Variants in FAM193A observed in about 807,000 individuals in gnomAD.
FAM193A encodes protein FAM193A.
A neutral mutation model predicts 126.5 loss-of-function variants in FAM193A; 22 were observed. The observed-to-expected ratio is 0.17, with a 90% CI of 0.12 to 0.25. The LOEUF (loss-of-function observed/expected upper bound fraction) is 0.25, where lower values mean the gene tolerates loss of function less well. FAM193A is among the 10% of genes least tolerant of loss of function. FAM193A has a pLI of 1.00. For synonymous variants in FAM193A, 761 were observed against 646.8 expected (o/e 1.18, Z -2.68); for missense variants, 1,675 against 1,672.8 (o/e 1.00, Z -0.02).
chr4:2,567,290 A>G (rs1739027157), intron 1 of FAM193A, among the ~76,000 whole-genome samples: 2 of 152,132 alleles, frequency 1.3e-5, no homozygotes, highest in African/African-American at 2.4e-5. Context: ...TTCAACAGAA[A>G]CCTTGCATAA....
At chr4:2,722,941 G>A (rs1438533195) in intron 20 of FAM193A, among the ~76,000 whole-genome samples, 1 of 152,168 alleles carries the variant, frequency 6.6e-6, no homozygotes, top group Non-Finnish European at 1.5e-5. Flanking sequence ...GCAGGAATGA[G>A]CCACCACACC....
chr4:2,613,753 C>CTT (rs71634683), intron 2 of FAM193A, among the ~76,000 whole-genome samples: 12 of 132,428 alleles, frequency 9.1e-5, no homozygotes, highest in South Asian at 2.3e-4. Context: ...CATACCTGGC[C>CTT]TTTTTTTTTT....
At chr4:2,606,627 G>A (rs1343069838) in intron 2 of FAM193A, among the ~76,000 whole-genome samples, 1 of 152,148 alleles carries the variant, frequency 6.6e-6, no homozygotes, top group African/African-American at 2.4e-5. Context: ...TCCTCTGAAT[G>A]GATATCTTGC....
At chr4:2,587,980 G>T (rs1160248136) in intron 1 of FAM193A, among the ~76,000 whole-genome samples, 4 of 152,224 alleles carry the variant, frequency 2.6e-5, no homozygotes, top group Non-Finnish European at 5.9e-5. Flanking sequence ...AGAGCTAGTT[G>T]GAGGACATTG....
At chr4:2,688,517 G>A (rs918109765) in intron 13 of FAM193A, among the ~76,000 whole-genome samples, 6 of 152,056 alleles carry the variant, frequency 3.9e-5, no homozygotes, top group South Asian at 2.1e-4. Context: ...GGCGTGTGCC[G>A]GCCAAGGGGA....
chr4:2,696,924 A>C (rs1304429713), intron 18 of FAM193A, among the ~76,000 whole-genome samples: 2 of 152,156 alleles, frequency 1.3e-5, no homozygotes, highest in Non-Finnish European at 2.9e-5. Flanking sequence ...TCAACTGTAG[A>C]GATGATAGAA....
rs754504865 is a variant in FAM193A at position 2,663,152 on chromosome 4, A to C, written c.1943A>C (p.Asp648Ala). 6.2e-7 allele frequency: 1 copy of C among 1,614,112 alleles called. No homozygotes were observed. The highest frequency in any genetic ancestry group is 1.3e-5 in the African/African-American group (1 of 74,936). ...ACCAGCAGTAGTTCCTCAGAAGCTG[A>C]TGATGAAGAAGCGGACGGCGAGAGT... ...SSTSSSSSEA[D>A]DEEADGESSG... Residue 648 changes from aspartate (D) to alanine (A), a missense_variant, in exon 12 of 21, where the codon GAT (aspartate) becomes GCT (alanine). Physicochemically the swap from Asp to Ala is moderately radical, Grantham distance 126 (BLOSUM62 -2). This residue lies in a region of FAM193A where 1,186 missense variants were observed against 1,109.2 expected (regional missense o/e 1.07). Coordinates refer to ENST00000637812, the MANE Select transcript of FAM193A (RefSeq NM_001366318.2).
At chr4:2,561,673 GT>G (rs1165606849) in intron 1 of FAM193A, among the ~76,000 whole-genome samples, 1 of 149,514 alleles carries the variant, frequency 6.7e-6, no homozygotes, top group African/African-American at 2.5e-5. Context: ...ATTTTTGTAT[GT>G]TTAGTACAGA....
At chr4:2,692,796 G>A (rs1716548740) in intron 15 of FAM193A, among the ~76,000 whole-genome samples, 1 of 147,938 alleles carries the variant, frequency 6.8e-6, no homozygotes. Flanking sequence ...TATCCTGTCA[G>A]TGTTAAATGC....
chr4:2,547,621 TGTGTATG>T (rs1336559505), intron 1 of FAM193A, among the ~76,000 whole-genome samples: 1 of 151,354 alleles, frequency 6.6e-6, no homozygotes, highest in Non-Finnish European at 1.5e-5. Flanking sequence ...TGTGTGTGTG[TGTGTATG>T]TATTTTTTTT....
At chr4:2,540,212 G>A (rs1737145053) in intron 1 of FAM193A, among the ~76,000 whole-genome samples, 2 of 152,154 alleles carry the variant, frequency 1.3e-5, no homozygotes, top group Admixed American at 1.3e-4. Context: ...GCTCACGCCT[G>A]TAATCCCAGC....
chr4:2,612,047 A>C (rs1374036194), intron 2 of FAM193A, among the ~76,000 whole-genome samples: 1 of 151,282 alleles, frequency 6.6e-6, no homozygotes, highest in Non-Finnish European at 1.5e-5. Context: ...CGTGTTAGCC[A>C]GGATGGTCTC....
At chr4:2,589,623 T>C (rs918249147) in intron 1 of FAM193A, among the ~76,000 whole-genome samples, 6 of 152,244 alleles carry the variant, frequency 3.9e-5, no homozygotes, top group African/African-American at 1.4e-4. Context: ...ATTTTGTGCC[T>C]AACTCATGAT....
At chr4:2,567,064 C>T (rs921220648) in intron 1 of FAM193A, among the ~76,000 whole-genome samples, 17 of 151,748 alleles carry the variant, frequency 1.1e-4, no homozygotes, top group Admixed American at 5.9e-4. Context: ...CTCAGCCTCC[C>T]GAGTAGCCGG....
At chr4:2,714,033 A>G (rs962549849) in intron 19 of FAM193A, among the ~76,000 whole-genome samples, 7 of 152,212 alleles carry the variant, frequency 4.6e-5, no homozygotes, top group Admixed American at 4.6e-4. Flanking sequence ...AAAAGAGAGT[A>G]TTAGAAATCT....
At chr4:2,719,628 C>G (rs1024373726) in intron 20 of FAM193A, among the ~76,000 whole-genome samples, 2 of 151,640 alleles carry the variant, frequency 1.3e-5, no homozygotes, top group Non-Finnish European at 2.9e-5. Flanking sequence ...GCCTGTAATC[C>G]CAGCTACTCG....
intron 2 of FAM193A, among the ~76,000 whole-genome samples, chr4:2,597,614 T>C (rs1157458790): frequency 6.6e-6 from 1 of 152,170 alleles, no homozygotes; most frequent in East Asian, 1.9e-4. Flanking sequence ...GTTTGTCAGA[T>C]GAGCCATTCT....
chr4:2,558,337 C>T (rs1171325449), intron 1 of FAM193A, among the ~76,000 whole-genome samples: 1 of 151,554 alleles, frequency 6.6e-6, no homozygotes, highest in Non-Finnish European at 1.5e-5. Context: ...CCTAAAAATA[C>T]TTGGTAATTA....
At chr4:2,711,063 AG>A (rs1271216773) in intron 19 of FAM193A, among the ~76,000 whole-genome samples, 1 of 150,756 alleles carries the variant, frequency 6.6e-6, no homozygotes, top group Non-Finnish European at 1.5e-5. Flanking sequence ...CATGTTAGCC[AG>A]GATGGTCTCG....
Sources: allele counts gnomAD v4.1 joint callset (sites outside exome capture counted in the v4.1 genomes callset), GRCh38; gene constraint gnomAD v4.1.1; regional missense constraint gnomAD v4.1.1; transcripts MANE v1.5; gene names NCBI Gene and HGNC (gene_info 2026-07-23, HGNC 2026-07-21).